The following ADAMTS12 variants were observed in gnomAD, a reference collection of about 807,000 sequenced individuals.
ADAMTS12 encodes the protein A disintegrin and metalloproteinase with thrombospondin motifs 12.
ADAMTS12 carries 118 observed loss-of-function variants against 167.8 expected under a neutral mutation model. The observed-to-expected ratio is 0.70, with a 90% CI of 0.61 to 0.82. ADAMTS12 has a LOEUF of 0.82. Ranked by LOEUF, ADAMTS12 falls within the 40% of genes least tolerant of loss-of-function variation. The pLI, the probability that ADAMTS12 is intolerant of heterozygous loss-of-function variation, is 0.00. For synonymous variants in ADAMTS12, 704 were observed against 716.9 expected (o/e 0.98, Z 0.29); for missense variants, 1,916 against 1,998.8 (o/e 0.96, Z 0.79).
At position 33,728,819 on chromosome 5, in the gene ADAMTS12, C is replaced by A. The variant is rs114396078; in HGVS notation, c.634+22585G>T. On this transcript the variant is annotated intron_variant, in intron 3 of 23. Transcript: ENST00000504830. ...CAGTAATGTCAGGTATGGTTGAACT[C>A]ATCATTTCACCTCTCAGTTGTACTA... is the stretch of plus-strand genomic sequence containing the variant. Among the ~76,000 whole-genome samples the A allele has an allele frequency of 3.0e-3, 459 of 152,336 alleles. 3 individuals carry two copies. Among genetic ancestry groups the A allele is most frequent in the African/African-American group, 0.01 (436 of 41,570 alleles).
intron 2 of ADAMTS12, among the ~76,000 whole-genome samples, chr5:33,835,819 T>C (rs1748484823): frequency 6.6e-6 from 1 of 152,110 alleles, no homozygotes; most frequent in Admixed American, 6.5e-5. Flanking sequence ...AAATGAAATA[T>C]ATGCAAGGTT....
At chr5:33,835,907 ATCTCTCTCTCTC>A (rs60393220) in intron 2 of ADAMTS12, among the ~76,000 whole-genome samples, 1 of 111,864 alleles carries the variant, frequency 8.9e-6, no homozygotes, top group African/African-American at 4.4e-5. Flanking sequence ...GATAATATCC[ATCTCTCTCTCTC>A]TCTCTCTCTC....
chr5:33,742,737 T>A (rs1057381025), intron 3 of ADAMTS12, among the ~76,000 whole-genome samples: 2 of 151,896 alleles, frequency 1.3e-5, no homozygotes, highest in African/African-American at 4.9e-5. Flanking sequence ...CTAATGAAGC[T>A]ATAATTCACT....
intron 16 of ADAMTS12, among the ~76,000 whole-genome samples, chr5:33,610,255 T>G (rs1238344140): frequency 1.3e-5 from 2 of 152,182 alleles, no homozygotes; most frequent in African/African-American, 2.4e-5. Context: ...TAAATTGACT[T>G]GATGAGGTGT....
Position 33,872,232 on chromosome 5 carries a change from C to T in ADAMTS12, c.489+8887G>A, listed in dbSNP as rs553794343. On this transcript the variant is annotated intron_variant, in intron 2 of 23. Coordinates refer to ENST00000504830, the MANE Select transcript of ADAMTS12 (RefSeq NM_030955.4). ...CGTGGGGCCAGCATCACCCTAACAC[C>T]GAAACCAAAGTCATTACAAGAAAAG... Among the ~76,000 whole-genome samples the T allele has an allele frequency of 3.9e-5, 6 of 152,196 alleles. No homozygotes were observed. In the East Asian group the frequency reaches 5.8e-4, roughly 15 times the overall value.
rs1748970166 is a variant in ADAMTS12, at chr5:33,846,981, C to G, written c.489+34138G>C. On this transcript the variant is annotated intron_variant, in intron 2 of 23. Coordinates refer to ENST00000504830, the MANE Select transcript of ADAMTS12 (RefSeq NM_030955.4). ...GAGCTTCTCTTGCCCACCAATACCT[C>G]CTTTCTGTCTTCTCTCCCACTTTGC... 2.6e-5 allele frequency among the ~76,000 whole-genome samples: 4 copies of G among 152,210 alleles called. No homozygotes were observed. The South Asian group carries it at 8.3e-4, about 32-fold the overall frequency.
At chr5:33,771,639 A>G (rs534621567) in intron 2 of ADAMTS12, among the ~76,000 whole-genome samples, 2 of 152,242 alleles carry the variant, frequency 1.3e-5, no homozygotes, top group East Asian at 1.9e-4. Flanking sequence ...ATGGATGGGT[A>G]TGGTGGTACA....
chr5:33,561,190 G>A lies in ADAMTS12; in HGVS notation c.3973-11C>T. 1 of 1,611,720 alleles carries A rather than the reference G, an allele frequency of 6.2e-7. No homozygotes were observed. The highest frequency in any genetic ancestry group is 8.5e-7 in the Non-Finnish European group (1 of 1,178,960). On this transcript the variant is annotated splice_polypyrimidine_tract_variant and intron_variant, in intron 19 of 23. Transcript: ENST00000504830. ...ACATGTGGTGGAGCACTGTAGCAGG[G>A]AAGGAGAGAGATGACAGAGGCTGAG...
chr5:33,537,678 C>T (rs1744484865), intron 22 of ADAMTS12, among the ~76,000 whole-genome samples: 1 of 152,196 alleles, frequency 6.6e-6, no homozygotes. Context: ...TCCTTCTACA[C>T]AGCTAAGTGA....
intron 13 of ADAMTS12, among the ~76,000 whole-genome samples, chr5:33,628,592 C>T (rs1739768543): frequency 6.6e-6 from 1 of 152,052 alleles, no homozygotes; most frequent in Admixed American, 6.6e-5. Context: ...TTTTCATATT[C>T]ACAACGAATG....
At chr5:33,836,636 T>C (rs1748538370) in intron 2 of ADAMTS12, among the ~76,000 whole-genome samples, 1 of 150,920 alleles carries the variant, frequency 6.6e-6, no homozygotes, top group Non-Finnish European at 1.5e-5. Flanking sequence ...AAGGAAATAG[T>C]AAAAAGCCAA....
At position 33,834,687 on chromosome 5, in the gene ADAMTS12, C is replaced by A. The variant is rs1011573496; in HGVS notation, c.489+46432G>T. Among the ~76,000 whole-genome samples, 4 of 152,314 alleles carry A rather than the reference C, an allele frequency of 2.6e-5. No individual in the cohort carries two copies. In the South Asian group the frequency reaches 8.3e-4, roughly 32 times the overall value. ...TCTTAACCACCATCCCATACACATA[C>A]CTTTCACCCAAGTTCCCTGGGCAGG... On this transcript the variant is annotated intron_variant, in intron 2 of 23. Coordinates refer to ENST00000504830, the MANE Select transcript of ADAMTS12 (RefSeq NM_030955.4).
In ADAMTS12 at chr5:33,526,141, A is replaced by G. The variant is rs780089079; in HGVS notation, c.*1047T>C. The G allele has an allele frequency of 6.6e-6, 1 of 152,164 alleles. No homozygotes were observed. Among genetic ancestry groups the G allele is most frequent in the African/African-American group, 2.4e-5 (1 of 41,420 alleles). 9.4% of individuals were successfully genotyped at this position (152,164 alleles called of 1,614,324 possible). On this transcript the variant is annotated 3_prime_UTR_variant, in exon 24 of 24. Coordinates refer to ENST00000504830, the MANE Select transcript of ADAMTS12 (RefSeq NM_030955.4). ...GCACTATGTTCTTGTACTTAGTACA[A>G]TTTACCTGGTTCTTTGAAATATTTT...
At chr5:33,654,078 T>C (rs1023395195) in intron 7 of ADAMTS12, among the ~76,000 whole-genome samples, 1 of 152,178 alleles carries the variant, frequency 6.6e-6, no homozygotes, top group Non-Finnish European at 1.5e-5. Flanking sequence ...CTCTTTCTCA[T>C]CCATTCTACT....
chr5:33,776,064 A>T (rs2112433258), intron 2 of ADAMTS12, among the ~76,000 whole-genome samples: 1 of 152,340 alleles, frequency 6.6e-6, no homozygotes. Flanking sequence ...ACAGTACCTC[A>T]GTATATGAAA....
At chr5:33,649,785 C>A in intron 7 of ADAMTS12, 88 bp from the exon 8 acceptor site, 2 of 1,524,424 alleles carry the variant, frequency 1.3e-6, no homozygotes, top group Admixed American at 1.9e-5. Context: ...AGCGTAATAA[C>A]TCACAGACAG....
chr5:33,813,844 G>A (rs907996188), intron 2 of ADAMTS12, among the ~76,000 whole-genome samples: 7 of 152,184 alleles, frequency 4.6e-5, no homozygotes, highest in African/African-American at 1.7e-4. Flanking sequence ...TGTGCCCCCT[G>A]AGCTCTGCCC....
At chr5:33,735,594 A>C (rs547650745) in intron 3 of ADAMTS12, among the ~76,000 whole-genome samples, 2 of 152,118 alleles carry the variant, frequency 1.3e-5, no homozygotes, top group Admixed American at 6.5e-5. Context: ...CTGGCCCCTC[A>C]TCTAGACACT....
chr5:33,670,202 A>C (rs1741622067), intron 5 of ADAMTS12, among the ~76,000 whole-genome samples: 1 of 152,152 alleles, frequency 6.6e-6, no homozygotes, highest in Non-Finnish European at 1.5e-5. Flanking sequence ...GAGACACGTC[A>C]CCAAGGAGGA....
Sources: allele counts gnomAD v4.1 joint callset (sites outside exome capture counted in the v4.1 genomes callset), GRCh38; gene constraint gnomAD v4.1.1; transcripts MANE v1.5; gene names NCBI Gene and HGNC (gene_info 2026-07-23, HGNC 2026-07-21).